Variants in PCOLCE2 observed in about 807,000 individuals in gnomAD.
PCOLCE2 encodes the protein procollagen C-proteinase enhancer 2.
Under a neutral mutation model 47.0 loss-of-function variants are expected in PCOLCE2, and 42 were observed. The observed-to-expected ratio is 0.89, with a 90% CI of 0.70 to 1.16. The LOEUF is 1.16. Ranked by LOEUF, PCOLCE2 falls within the 50% of genes most tolerant of loss-of-function variation. PCOLCE2 has a pLI of 0.00. For missense variants in PCOLCE2, 500 were observed against 526.1 expected, an observed-to-expected ratio of 0.95 and a Z score of 0.49; for synonymous variants, 169 against 191.7, an observed-to-expected ratio of 0.88 and a Z score of 0.98.
At chr3:142,833,182 T>C (rs9682974) in intron 5 of PCOLCE2, among the ~76,000 whole-genome samples, 33,523 of 152,076 alleles carry the variant, frequency 0.22, 4,192 homozygotes, top group African/African-American at 0.33. Context: ...GTGCATTTTT[T>C]TTTTCTTTTT....
intron 2 of PCOLCE2, among the ~76,000 whole-genome samples, chr3:142,882,764 A>C (rs1156429534): frequency 1.3e-5 from 2 of 152,118 alleles, no homozygotes; most frequent in Non-Finnish European, 2.9e-5. Context: ...CCTTTTAAAA[A>C]CAGATTTGTA....
chr3:142,879,079 G>A (rs544665272), intron 2 of PCOLCE2, among the ~76,000 whole-genome samples: 1 of 152,090 alleles, frequency 6.6e-6, no homozygotes, highest in African/African-American at 2.4e-5. Flanking sequence ...AATTTAATCT[G>A]TCTTTTAAAT....
chr3:142,823,434 T>C (rs1937037014), intron 7 of PCOLCE2, 98 bp downstream of exon 7: 1 of 731,400 alleles, frequency 1.4e-6, no homozygotes, highest in African/African-American at 1.8e-5. Context: ...AGCAGCGTTA[T>C]TGACCCTTCA....
chr3:142,857,040 T>G (rs936975044), intron 2 of PCOLCE2, among the ~76,000 whole-genome samples: 1 of 151,956 alleles, frequency 6.6e-6, no homozygotes, highest in African/African-American at 2.4e-5. Flanking sequence ...TCCAGGATAT[T>G]CTATATACTC....
intron 2 of PCOLCE2, among the ~76,000 whole-genome samples, chr3:142,857,909 G>A (rs1200516684): frequency 2.0e-5 from 3 of 152,190 alleles, no homozygotes; most frequent in Non-Finnish European, 4.4e-5. Context: ...CTACCCCCCA[G>A]CCATTTGTGT....
At chr3:142,872,981 T>C (rs1164938139) in intron 2 of PCOLCE2, among the ~76,000 whole-genome samples, 1 of 152,270 alleles carries the variant, frequency 6.6e-6, no homozygotes, top group African/African-American at 2.4e-5. Context: ...TGATTTTATT[T>C]AATGTTATAA....
At chr3:142,860,632 T>C (rs1292577466) in intron 2 of PCOLCE2, among the ~76,000 whole-genome samples, 1 of 152,174 alleles carries the variant, frequency 6.6e-6, no homozygotes, top group Non-Finnish European at 1.5e-5. Context: ...GGTCTCAAAC[T>C]CCTGACCTCA....
chr3:142,879,762 G>C (rs993495862), intron 2 of PCOLCE2, among the ~76,000 whole-genome samples: 1 of 152,112 alleles, frequency 6.6e-6, no homozygotes, highest in African/African-American at 2.4e-5. Context: ...GAGGTCAGGA[G>C]ATCGAGACCA....
intron 2 of PCOLCE2, among the ~76,000 whole-genome samples, chr3:142,880,817 G>A (rs755300449): frequency 1.3e-5 from 2 of 152,160 alleles, no homozygotes; most frequent in Non-Finnish European, 2.9e-5. Context: ...ATAACCCTGG[G>A]AAGTCAAACA....
At chr3:142,849,140 G>C (rs1228198742) in intron 2 of PCOLCE2, among the ~76,000 whole-genome samples, 1 of 133,544 alleles carries the variant, frequency 7.5e-6, no homozygotes. Context: ...GTGACAGAGC[G>C]AGACTCCACC....
chr3:142,843,140 G>GA lies in PCOLCE2; in HGVS notation c.449-93dup, dbSNP rs2108194632. 7 of 1,296,516 alleles carry GA rather than the reference G, an allele frequency of 5.4e-6. No homozygotes were observed. In the East Asian group the frequency reaches 1.2e-4, roughly 21 times the overall value. 80.3% of individuals were successfully genotyped at this position (1,296,516 alleles called of 1,614,324 possible). A position where few individuals can be genotyped will look rare whatever the true frequency, so the allele number is the denominator to read the frequency against. ...AGATTAGGAATGTGGGATCTTTGGT[G>GA]AGAGTACAGTAAATAAAGGCAACAG... On this transcript the variant is annotated intron_variant, in intron 3 of 8. Transcript: ENST00000295992.
In PCOLCE2 at chr3:142,864,990, T is replaced by C. The variant is rs577642782; in HGVS notation, c.193-16518A>G. ...TTGTACAAGTCTTTATGTGGATGTA[T>C]TTTCATTTCTCCTGCATCTAAAAGT... On this transcript the variant is annotated intron_variant, in intron 2 of 8. Transcript: ENST00000295992. Among the ~76,000 whole-genome samples the C allele has an allele frequency of 1.5e-3, 226 of 152,352 alleles. 1 individual carries two copies. Among genetic ancestry groups the C allele is most frequent in the African/African-American group, 5.3e-3 (220 of 41,578 alleles).
chr3:142,837,425 A>T (rs1057123439), intron 5 of PCOLCE2, among the ~76,000 whole-genome samples: 4 of 151,598 alleles, frequency 2.6e-5, no homozygotes, highest in Non-Finnish European at 4.4e-5. Context: ...TTAAATTATA[A>T]CTACTATCTT....
intron 2 of PCOLCE2, among the ~76,000 whole-genome samples, chr3:142,860,651 G>A (rs970414196): frequency 2.6e-4 from 39 of 152,194 alleles, no homozygotes; most frequent in African/African-American, 8.7e-4. Flanking sequence ...CAACTGATCC[G>A]CCTGTCTCGG....
chr3:142,882,215 G>A (rs1482321625), intron 2 of PCOLCE2, among the ~76,000 whole-genome samples: 1 of 149,550 alleles, frequency 6.7e-6, no homozygotes, highest in Non-Finnish European at 1.5e-5. Flanking sequence ...AAAAAAAATT[G>A]CAGAGACAGG....
chr3:142,866,253 G>A (rs1933280314), intron 2 of PCOLCE2, among the ~76,000 whole-genome samples: 1 of 152,156 alleles, frequency 6.6e-6, no homozygotes, highest in African/African-American at 2.4e-5. Flanking sequence ...GGTGGAGGAA[G>A]GGCAAATTCT....
intron 2 of PCOLCE2, among the ~76,000 whole-genome samples, chr3:142,851,461 T>C (rs1014732330): frequency 6.6e-6 from 1 of 151,922 alleles, no homozygotes; most frequent in Non-Finnish European, 1.5e-5. Context: ...GTTGAAGACA[T>C]AGGCAAGGGA....
intron 2 of PCOLCE2, among the ~76,000 whole-genome samples, chr3:142,865,155 T>A (rs1201903088): frequency 6.6e-6 from 1 of 151,730 alleles, no homozygotes; most frequent in Non-Finnish European, 1.5e-5. Context: ...CTATTCTCTG[T>A]GTTTTTTTTT....
intron 2 of PCOLCE2, among the ~76,000 whole-genome samples, chr3:142,874,471 C>T (rs574253033): frequency 7.4e-4 from 113 of 152,282 alleles, no homozygotes; most frequent in Non-Finnish European, 8.7e-4. Context: ...TTGTAAGTTT[C>T]CTGACACCTT....
Sources: allele counts gnomAD v4.1 joint callset (sites outside exome capture counted in the v4.1 genomes callset), GRCh38; gene constraint gnomAD v4.1.1; transcripts MANE v1.5; gene names NCBI Gene and HGNC (gene_info 2026-07-23, HGNC 2026-07-21).